The following ZNF679 variants were observed in gnomAD, a reference collection of about 807,000 sequenced individuals.
ZNF679 encodes hypothetical protein MGC42415.
In ZNF679, 10 loss-of-function variants were observed where a neutral mutation model predicts 13.4. The ratio of observed to expected loss-of-function variants is 0.75; its 90% CI spans 0.46 to 1.27. The LOEUF (loss-of-function observed/expected upper bound fraction) is 1.27, where lower values mean the gene tolerates loss of function less well. Ranked by LOEUF, ZNF679 falls within the 50% of genes most tolerant of loss-of-function variation. ZNF679 has a pLI of 0.00. For synonymous variants in ZNF679, 179 were observed against 162.5 expected (o/e 1.10, Z -0.77); for missense variants, 525 against 477.8 (o/e 1.10, Z -0.92).
chr7:64,258,763 A>G (rs1788037663), intron 2 of ZNF679, among the ~76,000 whole-genome samples: 1 of 151,060 alleles, frequency 6.6e-6, no homozygotes, highest in African/African-American at 2.4e-5. Flanking sequence ...CGGAACATGC[A>G]TATGTTTACT....
Position 64,240,228 on chromosome 7 carries a change from G to A in ZNF679, c.-90-8800G>A, listed in dbSNP as rs115817909. Reference sequence around the variant, plus strand: ...AAAAGTGATGTGTCTCTCCTCTGTTGTCTGGACTCTTCTCAAAGTAAGAAT... The same window carrying A: ...AAAAGTGATGTGTCTCTCCTCTGTTATCTGGACTCTTCTCAAAGTAAGAAT... On this transcript the variant is annotated intron_variant, in intron 1 of 4. Coordinates refer to ENST00000421025, the MANE Select transcript of ZNF679 (RefSeq NM_153363.3). 3.2e-3 allele frequency among the ~76,000 whole-genome samples: 493 copies of A among 152,208 alleles called. 7 individuals carry two copies. The highest frequency in any genetic ancestry group is 0.011 in the African/African-American group (466 of 41,540).
chr7:64,259,546 A>C (rs1788047439), intron 2 of ZNF679, among the ~76,000 whole-genome samples: 1 of 152,330 alleles, frequency 6.6e-6, no homozygotes, highest in Admixed American at 6.5e-5. Context: ...AGGGTGCTAA[A>C]GAAAGGCTAC....
At chr7:64,249,278 C>T in intron 2 of ZNF679, 122 bp downstream of exon 2, 2 of 1,534,184 alleles carry the variant, frequency 1.3e-6, no homozygotes, top group Non-Finnish European at 1.8e-6. Flanking sequence ...CCCAAATCCT[C>T]CTTGGCCCAG....
At chr7:64,262,993 G>A (rs1788097050) in intron 4 of ZNF679, among the ~76,000 whole-genome samples, 1 of 152,042 alleles carries the variant, frequency 6.6e-6, no homozygotes, top group Non-Finnish European at 1.5e-5. Flanking sequence ...ATTGAAAAGT[G>A]TGTTTATTTC....
At chr7:64,232,749 G>C (rs1338803245) in intron 1 of ZNF679, among the ~76,000 whole-genome samples, 1 of 152,178 alleles carries the variant, frequency 6.6e-6, no homozygotes, top group African/African-American at 2.4e-5. Context: ...ATATCGCCTA[G>C]ATAATGGGCC....
intron 1 of ZNF679, among the ~76,000 whole-genome samples, chr7:64,236,510 T>A (rs748261834): frequency 7.3e-5 from 11 of 151,252 alleles, no homozygotes; most frequent in Non-Finnish European, 1.5e-4. Flanking sequence ...GGGGCAGGGC[T>A]CAGTGCCTCA....
intron 1 of ZNF679, among the ~76,000 whole-genome samples, chr7:64,231,757 A>G (rs1787642843): frequency 6.6e-6 from 1 of 152,162 alleles, no homozygotes; most frequent in African/African-American, 2.4e-5. Flanking sequence ...AGGCAGGAGC[A>G]TCACATCACC....
chr7:64,250,177 G>A (rs1203457898), intron 2 of ZNF679, among the ~76,000 whole-genome samples: 1 of 151,200 alleles, frequency 6.6e-6, no homozygotes, highest in Non-Finnish European at 1.5e-5. Context: ...TTTTTTTTAA[G>A]TGAGAGCTGA....
At position 64,260,838 on chromosome 7, in the gene ZNF679, T is replaced by C. The variant is rs776551507; in HGVS notation, c.171T>C (p.Ile57=). 4 of 1,603,800 alleles carry C rather than the reference T, an allele frequency of 2.5e-6. No individual in the cohort carries two copies. The highest frequency in any genetic ancestry group is 3.4e-6 in the Non-Finnish European group (4 of 1,177,574). ...ENYRNLVSLG[I]AVSKPDLITC... is the part of the protein sequence containing the mutation. ...TTTTTTTTCTTAATAAAACAGGTATTGCTGTCTCTAAGCCAGACTTGATCA... is the reference window on the plus strand; with the variant it reads ...TTTTTTTTCTTAATAAAACAGGTATCGCTGTCTCTAAGCCAGACTTGATCA... The change falls in exon 4 of 5, where the codon ATT becomes ATC. Residue 57 remains isoleucine (I), a synonymous_variant. Transcript: ENST00000421025.
intron 1 of ZNF679, among the ~76,000 whole-genome samples, chr7:64,243,327 A>T (rs1787822349): frequency 6.6e-6 from 1 of 152,138 alleles, no homozygotes; most frequent in Non-Finnish European, 1.5e-5. Context: ...AGTCCCATCA[A>T]CTAGGTGCTG....
At chr7:64,246,629 A>G (rs938497951) in intron 1 of ZNF679, among the ~76,000 whole-genome samples, 1 of 152,166 alleles carries the variant, frequency 6.6e-6, no homozygotes, top group Admixed American at 6.5e-5. Flanking sequence ...AAGCTGAGGC[A>G]GGAGAATCTC....
Position 64,266,907 on chromosome 7 carries a change from A to G in ZNF679, c.*38A>G, listed in dbSNP as rs1788163478. ...CAGCCTTCAGACCTTATAATACATA[A>G]AATAATTTATACTTGAAAAAATCAC... On this transcript the variant is annotated 3_prime_UTR_variant, in exon 5 of 5. Coordinates refer to ENST00000421025, the MANE Select transcript of ZNF679 (RefSeq NM_153363.3). 6.8e-7 allele frequency: 1 copy of G among 1,475,018 alleles called. No homozygotes were observed. The highest frequency in any genetic ancestry group is 9.0e-7 in the Non-Finnish European group (1 of 1,115,814). 91.4% of individuals were successfully genotyped at this position (1,475,018 alleles called of 1,614,324 possible). A position where few individuals can be genotyped will look rare whatever the true frequency, so the allele number is the denominator to read the frequency against.
chr7:64,236,876 AAGAG>A (rs1352850522), intron 1 of ZNF679, among the ~76,000 whole-genome samples: 1 of 139,800 alleles, frequency 7.2e-6, no homozygotes, highest in African/African-American at 2.5e-5. Flanking sequence ...AGAAAGAAGA[AAGAG>A]AAAGAAAGAA....
At chr7:64,247,083 C>T (rs1000186964) in intron 1 of ZNF679, among the ~76,000 whole-genome samples, 1 of 152,186 alleles carries the variant, frequency 6.6e-6, no homozygotes, top group Non-Finnish European at 1.5e-5. Context: ...GTGGGAATGT[C>T]TTTCGCATGC....
chr7:64,254,468 C>A (rs1301931061), intron 2 of ZNF679, among the ~76,000 whole-genome samples: 1 of 145,140 alleles, frequency 6.9e-6, no homozygotes, highest in African/African-American at 2.4e-5. Flanking sequence ...AATGCCCCAT[C>A]TTCCCCAACA....
At chr7:64,260,166 T>C (rs1309907319) in intron 2 of ZNF679, 55 bp from the exon 3 acceptor site, 103 of 1,495,066 alleles carry the variant, frequency 6.9e-5, no homozygotes, top group Non-Finnish European at 8.2e-5. Flanking sequence ...TACGGCCACA[T>C]AGTAAGTGTT....
At chr7:64,241,325 T>C (rs10085727) in intron 1 of ZNF679, among the ~76,000 whole-genome samples, 45,738 of 152,188 alleles carry the variant, frequency 0.3, 7,664 homozygotes, top group East Asian at 0.48. Flanking sequence ...CCAATCCCAA[T>C]TGTGGAGACA....
chr7:64,264,342 T>C (rs1307154113), intron 4 of ZNF679, among the ~76,000 whole-genome samples: 1 of 152,106 alleles, frequency 6.6e-6, no homozygotes, highest in Non-Finnish European at 1.5e-5. Flanking sequence ...TATATCTTTT[T>C]ATGTTTTATG....
chr7:64,233,583 G>T lies in ZNF679; in HGVS notation c.-91+4931G>T, dbSNP rs559382406. On this transcript the variant is annotated intron_variant, in intron 1 of 4. Coordinates refer to ENST00000421025, the MANE Select transcript of ZNF679 (RefSeq NM_153363.3). Reference sequence around the variant, plus strand: ...GTCACCCTTTCAGGTCTTTGCTTCCGTGTAACCTGCTTGGGGCAGTGCTCC... The same window carrying T: ...GTCACCCTTTCAGGTCTTTGCTTCCTTGTAACCTGCTTGGGGCAGTGCTCC... 2.0e-5 allele frequency among the ~76,000 whole-genome samples: 3 copies of T among 152,188 alleles called. 1 individual carries two copies. Among genetic ancestry groups the T allele is most frequent in the Admixed American group, 2.0e-4 (3 of 15,282 alleles).
Sources: allele counts gnomAD v4.1 joint callset (sites outside exome capture counted in the v4.1 genomes callset), GRCh38; gene constraint gnomAD v4.1.1; transcripts MANE v1.5; gene names NCBI Gene and HGNC (gene_info 2026-07-23, HGNC 2026-07-21).